The following KLHL4 variants were observed in gnomAD, a reference collection of about 807,000 sequenced individuals.
The protein encoded by KLHL4 is kelch like family member 4, also known as kelch-like protein 4.
In KLHL4, 17 loss-of-function variants were observed where a neutral mutation model predicts 45.8. The observed-to-expected ratio is 0.37, with a 90% confidence interval of 0.25 to 0.56. KLHL4 has a LOEUF of 0.56. Among genes scored for constraint, KLHL4 ranks in the 20% least tolerant of loss-of-function variants. The pLI is 0.79. For missense variants in KLHL4, 544 were observed against 544.9 expected, an observed-to-expected ratio of 1.00 and a Z score of 0.02; for synonymous variants, 224 against 189.9, an observed-to-expected ratio of 1.18 and a Z score of -1.47.
intron 9 of KLHL4, among the ~76,000 whole-genome samples, chrX:87,656,164 G>A (rs1323679375): frequency 9.1e-6 from 1 of 110,238 alleles, no homozygotes; most frequent in Non-Finnish European, 1.9e-5. Context: ...GTATGTCTTG[G>A]TGAGATTCTT....
chrX:87,615,021 T>C (rs1812801743), intron 3 of KLHL4, among the ~76,000 whole-genome samples: 1 of 111,168 alleles, frequency 9.0e-6, no homozygotes, highest in East Asian at 2.8e-4. Context: ...AACAATGAAT[T>C]TGGGGACTAA....
chrX:87,643,177 TA>T (rs1270446459), intron 9 of KLHL4, among the ~76,000 whole-genome samples: 1 of 111,383 alleles, frequency 9.0e-6, no homozygotes, highest in Non-Finnish European at 1.9e-5. Context: ...TTAGCAAGAT[TA>T]ACCAAGAAAA....
intron 9 of KLHL4, among the ~76,000 whole-genome samples, chrX:87,645,551 C>A (rs1033135896): frequency 9.0e-6 from 1 of 111,500 alleles, no homozygotes; most frequent in Admixed American, 9.5e-5. Context: ...TACTACTGGG[C>A]ATCTACCCAG....
At chrX:87,556,068 A>C (rs1931965398) in intron 1 of KLHL4, among the ~76,000 whole-genome samples, 1 of 110,867 alleles carries the variant, frequency 9.0e-6, no homozygotes, top group Non-Finnish European at 1.9e-5. Context: ...GTTTGATTGC[A>C]CTGTAGTCTG....
intron 1 of KLHL4, among the ~76,000 whole-genome samples, chrX:87,583,094 T>C (rs1337468091): frequency 8.9e-6 from 1 of 112,159 alleles, no homozygotes; most frequent in Non-Finnish European, 1.9e-5. Flanking sequence ...GGTGCGTTTT[T>C]ACAGAGTGCT....
intron 1 of KLHL4, among the ~76,000 whole-genome samples, chrX:87,565,502 T>C (rs1032321938): frequency 9.1e-6 from 1 of 109,532 alleles, no homozygotes; most frequent in Non-Finnish European, 1.9e-5. Context: ...CTGAGGCAGG[T>C]GGATCACTTG....
chrX:87,559,145 C>T (rs751013945), intron 1 of KLHL4, among the ~76,000 whole-genome samples: 4 of 111,620 alleles, frequency 3.6e-5, no homozygotes, highest in Non-Finnish European at 7.5e-5. Context: ...GTGACAGGGT[C>T]GCAATAAAAC....
chrX:87,669,403 C>T lies in KLHL4; in HGVS notation c.*2869C>T, dbSNP rs754894783. ...AGACTCTGGGGCACTAAATTCAGAT[C>T]CTTTCTCCACACAGCAATGACATTT... is the stretch of plus-strand genomic sequence containing the variant. On this transcript the variant is annotated 3_prime_UTR_variant, in exon 11 of 11. Transcript: ENST00000373119. 7.5e-6 allele frequency: 9 copies of T among 1,206,524 alleles called. No individual in the cohort carries two copies. In the African/African-American group the frequency reaches 1.4e-4, roughly 19 times the overall value.
intron 3 of KLHL4, among the ~76,000 whole-genome samples, chrX:87,616,368 T>TA (rs1922556846): frequency 8.9e-6 from 1 of 111,735 alleles, no homozygotes; most frequent in Admixed American, 9.6e-5. Flanking sequence ...TGACAAGCCT[T>TA]TAAGCAAAAA....
intron 9 of KLHL4, among the ~76,000 whole-genome samples, chrX:87,645,757 G>A (rs1442909763): frequency 9.0e-6 from 1 of 111,330 alleles, no homozygotes; most frequent in African/African-American, 3.3e-5. Context: ...GCAGCAACCT[G>A]GATGAGATTG....
chrX:87,668,061 C>T lies in KLHL4; in HGVS notation c.*1527C>T, dbSNP rs1209608698. On this transcript the variant is annotated 3_prime_UTR_variant, in exon 11 of 11. Transcript: ENST00000373119. ...CTCCTTTATTTCTTCTTACACCTGC[C>T]ATTGTCTCTAATTCTAAAGAGAGAG... 9.5e-6 allele frequency: 7 copies of T among 735,996 alleles called. No individual in the cohort carries two copies. The African/African-American group carries it at 1.6e-4, about 17-fold the overall frequency. The allele number at this position is 735,996 out of a possible 1,213,427, so 60.7% of individuals were successfully genotyped here. A position where few individuals can be genotyped will look rare whatever the true frequency, so the allele number is the denominator to read the frequency against.
rs1320312006 is a variant in KLHL4, at chrX:87,598,054, A to G, written c.423-15823A>G. ...GATAGAATAATATAGGAATAGAATT[A>G]TTACTATTTCTATTCTGTTTTGAAA... On this transcript the variant is annotated intron_variant, in intron 1 of 10. Transcript: ENST00000373119. 2.7e-5 allele frequency among the ~76,000 whole-genome samples: 3 copies of G among 109,951 alleles called. No homozygotes were observed. In the East Asian group the frequency reaches 8.6e-4, roughly 32 times the overall value.
intron 1 of KLHL4, among the ~76,000 whole-genome samples, chrX:87,533,280 A>G (rs1315603087): frequency 2.0e-5 from 2 of 102,223 alleles, no homozygotes; most frequent in East Asian, 3.2e-4. Flanking sequence ...CACTATTCAC[A>G]ATAGCAAAGA....
rs1157698148 is a variant in KLHL4, at chrX:87,667,071, C to T, written c.*537C>T. On this transcript the variant is annotated 3_prime_UTR_variant, in exon 11 of 11. Transcript: ENST00000373119. ...TTCCTTACATTTACCAAGAGGAAAG[C>T]TTTTACTGTGTTGAAGCTAAAAAAA... is the stretch of plus-strand genomic sequence containing the variant. 1.4e-6 allele frequency: 1 copy of T among 707,138 alleles called. No individual in the cohort carries two copies. The highest frequency in any genetic ancestry group is 1.6e-6 in the Non-Finnish European group (1 of 614,060). 58.3% of individuals were successfully genotyped at this position (707,138 alleles called of 1,213,427 possible).
At chrX:87,608,432 A>G (rs1339964760) in intron 1 of KLHL4, among the ~76,000 whole-genome samples, 1 of 110,914 alleles carries the variant, frequency 9.0e-6, no homozygotes, top group Non-Finnish European at 1.9e-5. Flanking sequence ...GGACTGTTGC[A>G]GTTCCTTGAA....
chrX:87,638,045 A>G (rs1410903647), intron 9 of KLHL4, among the ~76,000 whole-genome samples: 1 of 112,260 alleles, frequency 8.9e-6, no homozygotes. Flanking sequence ...GAATTGCAAA[A>G]TGCACTGGAA....
intron 1 of KLHL4, among the ~76,000 whole-genome samples, chrX:87,562,734 C>G (rs767683063): frequency 9.0e-6 from 1 of 111,142 alleles, no homozygotes; most frequent in African/African-American, 3.3e-5. Context: ...TAGTCACCAC[C>G]TGCTGGCTAG....
rs1923179047 is a variant in KLHL4 at position 87,633,876 on chromosome X, T to C, written c.1677T>C (p.Pro559=). 2 of 1,207,576 alleles carry C rather than the reference T, an allele frequency of 1.7e-6. No homozygotes were observed. The highest frequency in any genetic ancestry group is 5.9e-5 in the East Asian group (2 of 33,767). Residue 559 remains proline (P), a synonymous_variant, in exon 8 of 11, where the codon CCT becomes CCC. Transcript: ENST00000373119. ...ATTACGTAGCCAGTATGTCAACTCCTAGAAGCACAGTTGGTGTTGTTGCAT... is the reference window on the plus strand; with the variant it reads ...ATTACGTAGCCAGTATGTCAACTCCCAGAAGCACAGTTGGTGTTGTTGCAT... ...QWNYVASMST[P]RSTVGVVALN...
intron 3 of KLHL4, among the ~76,000 whole-genome samples, chrX:87,615,762 T>C (rs1569354097): frequency 9.0e-6 from 1 of 111,171 alleles, no homozygotes; most frequent in Non-Finnish European, 1.9e-5. Flanking sequence ...TTACATTAAA[T>C]GTACAAAATA....
Sources: allele counts gnomAD v4.1 joint callset (sites outside exome capture counted in the v4.1 genomes callset), GRCh38; gene constraint gnomAD v4.1.1; transcripts MANE v1.5; gene names NCBI Gene and HGNC (gene_info 2026-07-23, HGNC 2026-07-21).